The following ZDHHC14 variants were observed in gnomAD, a reference collection of about 807,000 sequenced individuals.
The protein encoded by ZDHHC14 is palmitoyltransferase ZDHHC14.
ZDHHC14 carries 16 observed loss-of-function variants against 47.7 expected under a neutral mutation model. The observed-to-expected ratio is 0.34, with a 90% CI of 0.23 to 0.51. The LOEUF (loss-of-function observed/expected upper bound fraction) is 0.51, where lower values mean the gene tolerates loss of function less well. Ranked by LOEUF, ZDHHC14 falls within the 20% of genes least tolerant of loss-of-function variation. The pLI is 0.97. For missense variants in ZDHHC14, 515 were observed against 662.5 expected (o/e 0.78, Z 2.44); for synonymous variants, 293 against 278.9 (o/e 1.05, Z -0.50).
chr6:157,388,021 C>G (rs1219007564), intron 1 of ZDHHC14, among the ~76,000 whole-genome samples: 3 of 152,136 alleles, frequency 2.0e-5, no homozygotes, highest in Non-Finnish European at 1.5e-5. Flanking sequence ...GAAGAAAAAG[C>G]TTTTCTTAAT....
At chr6:157,428,623 G>A (rs1365374903) in intron 1 of ZDHHC14, among the ~76,000 whole-genome samples, 34 of 66,964 alleles carry the variant, frequency 5.1e-4, no homozygotes, top group Admixed American at 1.7e-3. Flanking sequence ...GAGTCCCCCC[G>A]CCCGCCCCAC....
intron 3 of ZDHHC14, among the ~76,000 whole-genome samples, chr6:157,600,234 C>T (rs1316460807): frequency 6.6e-6 from 1 of 151,912 alleles, no homozygotes; most frequent in African/African-American, 2.4e-5. Flanking sequence ...TTACAACAAG[C>T]CAACGTGAAG....
At chr6:157,510,709 A>G (rs1780444189) in intron 1 of ZDHHC14, among the ~76,000 whole-genome samples, 1 of 152,174 alleles carries the variant, frequency 6.6e-6, no homozygotes, top group Admixed American at 6.5e-5. Flanking sequence ...GTGGGCAGAG[A>G]GGAAGCGCGG....
chr6:157,516,122 A>G (rs1780684211), intron 1 of ZDHHC14, among the ~76,000 whole-genome samples: 1 of 152,130 alleles, frequency 6.6e-6, no homozygotes, highest in Non-Finnish European at 1.5e-5. Flanking sequence ...AATTCACACT[A>G]TATTCTCTTT....
intron 2 of ZDHHC14, among the ~76,000 whole-genome samples, chr6:157,545,732 G>A (rs1187470412): frequency 1.3e-5 from 2 of 152,052 alleles, no homozygotes; most frequent in Non-Finnish European, 2.9e-5. Context: ...AGATGGGGTG[G>A]AAGAAGCAGA....
intron 1 of ZDHHC14, among the ~76,000 whole-genome samples, chr6:157,447,123 AG>A (rs1267705679): frequency 3.5e-4 from 37 of 104,888 alleles, no homozygotes; most frequent in Admixed American, 2.3e-3. Context: ...ATATCAAAAA[AG>A]AAAGAAAGAA....
At chr6:157,643,650 A>AATATATATATATATATATGTATAT (rs1777366397) in intron 5 of ZDHHC14, among the ~76,000 whole-genome samples, 1 of 72,522 alleles carries the variant, frequency 1.4e-5, no homozygotes, top group Non-Finnish European at 3.0e-5. Context: ...CTTCATCTCA[A>AATATATATATATATATATGTATAT]ATATATATAT....
At chr6:157,470,844 A>T (rs1350022271) in intron 1 of ZDHHC14, among the ~76,000 whole-genome samples, 2 of 152,248 alleles carry the variant, frequency 1.3e-5, no homozygotes, top group African/African-American at 4.8e-5. Context: ...TTTAGAAAGC[A>T]GAACTAATAG....
intron 1 of ZDHHC14, among the ~76,000 whole-genome samples, chr6:157,536,378 A>G (rs774064770): frequency 5.3e-5 from 8 of 152,208 alleles, no homozygotes; most frequent in Non-Finnish European, 5.9e-5. Flanking sequence ...AACTTTTTTT[A>G]TGTGTATCCA....
At position 157,486,278 on chromosome 6, in the gene ZDHHC14, C is replaced by T. The variant is rs147892058; in HGVS notation, c.246-56307C>T. ...CTACACCGGTACCTGTGAACTTGGCCGTATGGTAGACACTCAGCCATGGCT... is the reference window on the plus strand; with the variant it reads ...CTACACCGGTACCTGTGAACTTGGCTGTATGGTAGACACTCAGCCATGGCT... On this transcript the variant is annotated intron_variant, in intron 1 of 8. Coordinates refer to ENST00000359775, the MANE Select transcript of ZDHHC14 (RefSeq NM_024630.3). 3.7e-4 allele frequency among the ~76,000 whole-genome samples: 56 copies of T among 152,190 alleles called. No homozygotes were observed. In the East Asian group the frequency reaches 8.5e-3, roughly 23 times the overall value.
chr6:157,507,296 T>C (rs1780351067), intron 1 of ZDHHC14, among the ~76,000 whole-genome samples: 1 of 151,876 alleles, frequency 6.6e-6, no homozygotes, highest in African/African-American at 2.4e-5. Flanking sequence ...ATTTTTTTTT[T>C]TTTTTGAGAC....
At chr6:157,665,750 G>A (rs542049437) in intron 8 of ZDHHC14, among the ~76,000 whole-genome samples, 34 of 152,334 alleles carry the variant, frequency 2.2e-4, no homozygotes, top group Non-Finnish European at 4.0e-4. Context: ...AAAATTCAGT[G>A]TTAGTGTATC....
At chr6:157,598,002 T>A (rs928279008) in intron 3 of ZDHHC14, among the ~76,000 whole-genome samples, 3 of 152,228 alleles carry the variant, frequency 2.0e-5, no homozygotes, top group African/African-American at 7.2e-5. Flanking sequence ...GCTCTTCCTC[T>A]CCCGGGCACT....
intron 8 of ZDHHC14, among the ~76,000 whole-genome samples, chr6:157,663,635 C>G (rs1393398078): frequency 6.6e-6 from 1 of 152,192 alleles, no homozygotes; most frequent in Admixed American, 6.5e-5. Context: ...TGCTTTGGTT[C>G]TTTATGGGCT....
chr6:157,470,188 G>C (rs1036952873), intron 1 of ZDHHC14, among the ~76,000 whole-genome samples: 1 of 152,142 alleles, frequency 6.6e-6, no homozygotes, highest in African/African-American at 2.4e-5. Flanking sequence ...ACCAAGGTTT[G>C]GAATTCTATT....
intron 1 of ZDHHC14, among the ~76,000 whole-genome samples, chr6:157,489,701 G>C (rs1212929893): frequency 6.6e-6 from 1 of 152,220 alleles, no homozygotes; most frequent in South Asian, 2.1e-4. Flanking sequence ...ACCGCAATGC[G>C]TGGCCTCTTA....
intron 5 of ZDHHC14, among the ~76,000 whole-genome samples, chr6:157,633,481 A>C (rs1776812102): frequency 6.6e-6 from 1 of 152,148 alleles, no homozygotes; most frequent in African/African-American, 2.4e-5. Flanking sequence ...TCTTGAAAGA[A>C]AAGCGTGTGC....
At chr6:157,396,816 G>A (rs2114741344) in intron 1 of ZDHHC14, among the ~76,000 whole-genome samples, 1 of 152,262 alleles carries the variant, frequency 6.6e-6, no homozygotes, top group South Asian at 2.1e-4. Flanking sequence ...GATTAACAGT[G>A]TTTTATATAG....
chr6:157,556,684 G>A (rs1782479240), intron 2 of ZDHHC14, among the ~76,000 whole-genome samples: 1 of 151,596 alleles, frequency 6.6e-6, no homozygotes, highest in African/African-American at 2.4e-5. Context: ...AGCCAGAGAT[G>A]GAGTCCAGGG....
Sources: allele counts gnomAD v4.1 joint callset (sites outside exome capture counted in the v4.1 genomes callset), GRCh38; gene constraint gnomAD v4.1.1; transcripts MANE v1.5; gene names NCBI Gene and HGNC (gene_info 2026-07-23, HGNC 2026-07-21).